The following FRMPD2 variants were observed in gnomAD, a reference collection of about 807,000 sequenced individuals.
FRMPD2 encodes the protein FERM and PDZ domain-containing protein 2.
In FRMPD2, 96 loss-of-function variants were observed where a neutral mutation model predicts 140.1. That is an observed-to-expected ratio of 0.69 (90% CI 0.58 to 0.81). The LOEUF is 0.81. Among genes scored for constraint, FRMPD2 ranks in the 40% least tolerant of loss-of-function variants. The pLI, the probability that FRMPD2 is intolerant of heterozygous loss-of-function variation, is 0.00. For missense variants in FRMPD2, 1,240 were observed against 1,447.4 expected, an observed-to-expected ratio of 0.86 and a Z score of 2.32; for synonymous variants, 449 against 547.6, an observed-to-expected ratio of 0.82 and a Z score of 2.52.
Position 48,251,669 on chromosome 10 carries a change from C to T in FRMPD2, c.48G>A (p.Thr16=), listed in dbSNP as rs376614666. 87 of 1,614,052 alleles carry T rather than the reference C, an allele frequency of 5.4e-5. No individual in the cohort carries two copies. Among genetic ancestry groups the T allele is most frequent in the East Asian group, 1.8e-4 (8 of 44,890 alleles). ...KDAGMSLSSV[T]LASALQVRGE... ...CCCTGACCTGTAGGGCGCTGGCCAG[C>T]GTCACAGAGGACAGGCTCATGCCTA... is the stretch of plus-strand genomic sequence containing the variant. Residue 16 remains threonine, a synonymous_variant, in exon 2 of 29, where the codon ACG becomes ACA. Coordinates refer to ENST00000374201, the MANE Select transcript of FRMPD2 (RefSeq NM_001018071.4).
chr10:48,222,177 A>C, intron 12 of FRMPD2, 136 bp downstream of exon 12: 1 of 719,238 alleles, frequency 1.4e-6, no homozygotes, highest in Non-Finnish European at 2.2e-6. Context: ...TGGATGGATA[A>C]ATGTAGTTTA....
intron 12 of FRMPD2, among the ~76,000 whole-genome samples, chr10:48,215,480 TG>T (rs1297947429): frequency 6.6e-6 from 1 of 152,228 alleles, no homozygotes; most frequent in East Asian, 1.9e-4. Context: ...CAATGGCAAA[TG>T]TAAATAGCAC....
chr10:48,201,351 C>T lies in FRMPD2; in HGVS notation c.1831G>A (p.Gly611Arg). ...KKFTITSSVT[G>R]KKHTFVTDSA... Reference sequence around the variant, plus strand: ...TCTGTGACAAATGTGTGCTTCTTCCCAGTGACACTGCTTGTGATGGTGAAC... The same window carrying T: ...TCTGTGACAAATGTGTGCTTCTTCCTAGTGACACTGCTTGTGATGGTGAAC... The change falls in exon 15 of 29, where the codon GGG (glycine) becomes AGG (arginine). Residue 611 changes from glycine to arginine, a missense_variant. By Grantham distance (125) the Gly-to-Arg change is moderately radical. Coordinates refer to ENST00000374201, the MANE Select transcript of FRMPD2 (RefSeq NM_001018071.4). The T allele has an allele frequency of 6.2e-7, 1 of 1,613,740 alleles. No homozygotes were observed. Among genetic ancestry groups the T allele is most frequent in the African/African-American group, 1.3e-5 (1 of 74,990 alleles).
At chr10:48,181,142 GCTC>G in intron 20 of FRMPD2, 134 bp from the exon 21 acceptor site, 2 of 640,884 alleles carry the variant, frequency 3.1e-6, no homozygotes, top group African/African-American at 1.8e-5. Flanking sequence ...TATGAATTTA[GCTC>G]CTCCTGAAAG....
chr10:48,263,837 C>A (rs1370902104), intron 1 of FRMPD2, among the ~76,000 whole-genome samples: 1 of 152,056 alleles, frequency 6.6e-6, no homozygotes, highest in Non-Finnish European at 1.5e-5. Flanking sequence ...AGATAAAAAT[C>A]TTGCAAGAAA....
intron 15 of FRMPD2, among the ~76,000 whole-genome samples, chr10:48,194,740 C>T (rs1480931571): frequency 2.6e-5 from 4 of 152,178 alleles, no homozygotes; most frequent in African/African-American, 9.6e-5. Context: ...CCCTGGGTGT[C>T]AAGCACTCAG....
rs1839705680 is a variant in FRMPD2 at position 48,225,686 on chromosome 10, T to C, written c.1169-2416A>G. 3.3e-5 allele frequency among the ~76,000 whole-genome samples: 5 copies of C among 152,326 alleles called. No individual in the cohort carries two copies. The South Asian group carries it at 8.3e-4, about 25-fold the overall frequency. On this transcript the variant is annotated intron_variant, in intron 10 of 28. Transcript: ENST00000374201. ...TTGGAAAGCCTGTCTCTCTTTGTTG[T>C]TATTTTAGGTTGGCAAAACCTGGTG...
intron 4 of FRMPD2, 27 bp downstream of exon 4, chr10:48,244,757 A>G: frequency 6.3e-7 from 1 of 1,583,474 alleles, no homozygotes; most frequent in Non-Finnish European, 8.7e-7. Flanking sequence ...ACAGCCCGGC[A>G]AGACTTGGAG....
At chr10:48,160,043 A>C (rs1463263717) in intron 28 of FRMPD2, among the ~76,000 whole-genome samples, 1 of 151,464 alleles carries the variant, frequency 6.6e-6, no homozygotes, top group African/African-American at 2.4e-5. Context: ...GGCAAATAAC[A>C]TCACTCCTTC....
At chr10:48,240,337 G>A in intron 6 of FRMPD2, 23 bp downstream of exon 6, 1 of 1,606,182 alleles carries the variant, frequency 6.2e-7, no homozygotes, top group South Asian at 1.1e-5. Context: ...CCCACGCAGG[G>A]ACTGCTTAGG....
chr10:48,257,319 G>A lies in FRMPD2; in HGVS notation c.26-5628C>T, dbSNP rs181059634. On this transcript the variant is annotated intron_variant, in intron 1 of 28. Transcript: ENST00000374201. ...ATTTGAGGCAGAGTTTCATTCTCTC[G>A]CCCTGGCTGGAGTGTAGTGGCGTGA... Among the ~76,000 whole-genome samples, 23 of 150,368 alleles carry A rather than the reference G, an allele frequency of 1.5e-4. No individual in the cohort carries two copies. In the East Asian group the frequency reaches 2.7e-3, roughly 18 times the overall value.
chr10:48,235,990 A>G (rs1278927694), intron 9 of FRMPD2, among the ~76,000 whole-genome samples: 1 of 151,528 alleles, frequency 6.6e-6, no homozygotes, highest in East Asian at 1.9e-4. Context: ...TCCTATCTAA[A>G]AGAGCACACT....
At chr10:48,201,460 C>T (rs1564423565) in intron 14 of FRMPD2, 76 bp from the exon 15 acceptor site, 2 of 1,429,318 alleles carry the variant, frequency 1.4e-6, no homozygotes, top group Non-Finnish European at 1.9e-6. Flanking sequence ...CAAGAAAATG[C>T]TCGGTCCCTT....
rs1371351932 is a variant in FRMPD2 at position 48,163,655 on chromosome 10, G to A, written c.3554C>T (p.Ala1185Val). ...TGTTGCCCTGGTGAATTCTTTGTCA[G>A]CTGAGAGTTCAGGTGTCTATTAAAA... ...EQEWQTPELS[A>V]DKEFTRATCT... Residue 1185 changes from alanine (A) to valine (V), a missense_variant, in exon 28 of 29, where the codon GCT becomes GTT. Around this residue, in one of 6 missense-constraint regions of FRMPD2, gnomAD observed 30 missense variants for 227.5 expected, o/e 0.13. Coordinates refer to ENST00000374201, the MANE Select transcript of FRMPD2 (RefSeq NM_001018071.4). 23 of 1,509,844 alleles carry A rather than the reference G, an allele frequency of 1.5e-5. No individual in the cohort carries two copies. The South Asian group carries it at 2.5e-4, about 16-fold the overall frequency. The allele number at this position is 1,509,844 out of a possible 1,614,324, so 93.5% of individuals were successfully genotyped here. A position where few individuals can be genotyped will look rare whatever the true frequency, so the allele number is the denominator to read the frequency against.
chr10:48,194,113 A>T (rs895400338), intron 15 of FRMPD2, among the ~76,000 whole-genome samples: 4 of 152,224 alleles, frequency 2.6e-5, no homozygotes, highest in African/African-American at 9.6e-5. Context: ...GTCAACATCA[A>T]CTACTAATAT....
chr10:48,274,561 G>A lies in FRMPD2; in HGVS notation c.7C>T (p.Pro3Ser), dbSNP rs114980865. The stretch of plus-strand genomic sequence containing the variant: ...GGAATACCTGCGTCCTTCGTTAAAG[G>A]CTGCATCCAAAAGTCTCCGTGACCA... MQPLTKDAGMSLS... is the reference protein window; with the variant it reads MQSLTKDAGMSLS... The change falls in exon 1 of 29, where the codon CCT (proline) becomes TCT (serine). Residue 3 changes from proline (P) to serine (S), a missense_variant. Pro to Ser is a moderately conservative substitution (Grantham distance 74). This residue lies in a region of FRMPD2 where 1,161 missense variants were observed against 1,055.9 expected (regional missense o/e 1.10). Coordinates refer to ENST00000374201, the MANE Select transcript of FRMPD2 (RefSeq NM_001018071.4). The A allele has an allele frequency of 1.9e-6, 3 of 1,614,046 alleles. No homozygotes were observed. Among genetic ancestry groups the A allele is most frequent in the East Asian group, 2.2e-5 (1 of 44,876 alleles).
intron 5 of FRMPD2, among the ~76,000 whole-genome samples, chr10:48,241,463 G>A (rs1408167315): frequency 6.6e-6 from 1 of 152,196 alleles, no homozygotes; most frequent in Admixed American, 6.5e-5. Context: ...TGCCATTCCT[G>A]CAACAGAGCT....
At chr10:48,233,280 T>A (rs1839896491) in intron 9 of FRMPD2, among the ~76,000 whole-genome samples, 1 of 152,134 alleles carries the variant, frequency 6.6e-6, no homozygotes, top group Non-Finnish European at 1.5e-5. Context: ...GTTTCACACA[T>A]GCCGCTGGGC....
At chr10:48,185,678 T>C in intron 17 of FRMPD2, 33 bp from the exon 18 acceptor site, 1 of 1,535,650 alleles carries the variant, frequency 6.5e-7, no homozygotes. Context: ...ACATTGTGCT[T>C]TTCCCCCAAA....
Sources: gnomAD v4.1 joint callset for allele counts (sites outside exome capture counted in the v4.1 genomes callset) on GRCh38, gnomAD v4.1.1 for gene constraint, gnomAD v4.1.1 regional missense constraint, MANE v1.5 for transcripts, NCBI Gene and HGNC (gene_info 2026-07-23, HGNC 2026-07-21) for gene names.